The following MAST4 variants were observed in gnomAD, a reference collection of about 807,000 sequenced individuals.
MAST4 encodes the protein microtubule associated serine/threonine kinase family member 4.
In MAST4, 89 loss-of-function variants were observed where a neutral mutation model predicts 162.7. The observed-to-expected ratio is 0.55, with a 90% confidence interval of 0.46 to 0.65. MAST4 has a LOEUF of 0.65. Among genes scored for constraint, MAST4 ranks in the 30% least tolerant of loss-of-function variants. MAST4 has a pLI of 0.00. For missense variants in MAST4, 3,153 were observed against 3,374.0 expected, an observed-to-expected ratio of 0.93 and a Z score of 1.62; for synonymous variants, 1,479 against 1,361.1, an observed-to-expected ratio of 1.09 and a Z score of -1.91.
chr5:66,680,244 G>A (rs1292761950), intron 1 of MAST4, among the ~76,000 whole-genome samples: 1 of 152,176 alleles, frequency 6.6e-6, no homozygotes, highest in Non-Finnish European at 1.5e-5. Context: ...TTAAATTGAG[G>A]CAGAGTTCTG....
chr5:66,712,399 C>T (rs76365356), intron 1 of MAST4, among the ~76,000 whole-genome samples: 6,432 of 152,206 alleles, frequency 0.042, 191 homozygotes, highest in Non-Finnish European at 0.063. Context: ...CATTGTTAGC[C>T]CCCATTTTAG....
At chr5:66,892,906 T>G (rs1442586856) in intron 3 of MAST4, among the ~76,000 whole-genome samples, 1 of 152,188 alleles carries the variant, frequency 6.6e-6, no homozygotes, top group Non-Finnish European at 1.5e-5. Flanking sequence ...GATTTTGTGA[T>G]GAAGCTTATA....
At chr5:66,659,814 T>C (rs981005539) in intron 1 of MAST4, among the ~76,000 whole-genome samples, 1 of 152,176 alleles carries the variant, frequency 6.6e-6, no homozygotes, top group African/African-American at 2.4e-5. Context: ...GAGGTGTGAA[T>C]AACATACTGA....
intron 19 of MAST4, among the ~76,000 whole-genome samples, chr5:67,139,830 T>A (rs530821188): frequency 6.6e-6 from 1 of 152,308 alleles, no homozygotes; most frequent in Non-Finnish European, 1.5e-5. Context: ...TCCTTATCTC[T>A]CCATAAGTGC....
intron 4 of MAST4, among the ~76,000 whole-genome samples, chr5:66,950,833 TG>T (rs1744591909): frequency 6.6e-6 from 1 of 151,944 alleles, no homozygotes; most frequent in African/African-American, 2.4e-5. Flanking sequence ...GGTAATTCTA[TG>T]TTTAAGTTTC....
At chr5:66,754,603 C>G (rs941616536) in intron 1 of MAST4, among the ~76,000 whole-genome samples, 1 of 152,004 alleles carries the variant, frequency 6.6e-6, no homozygotes, top group South Asian at 2.1e-4. Flanking sequence ...TTTGCTCTTT[C>G]CACCAATATT....
intron 2 of MAST4, among the ~76,000 whole-genome samples, chr5:66,764,116 C>A (rs1272500844): frequency 6.6e-6 from 1 of 152,172 alleles, no homozygotes; most frequent in African/African-American, 2.4e-5. Flanking sequence ...CAATGGTAGA[C>A]AACAAGAAGT....
At chr5:66,761,089 T>G (rs1231795256) in intron 2 of MAST4, among the ~76,000 whole-genome samples, 1 of 152,224 alleles carries the variant, frequency 6.6e-6, no homozygotes, top group Non-Finnish European at 1.5e-5. Context: ...ATTGCCAGTT[T>G]TAAAAATTTT....
intron 1 of MAST4, among the ~76,000 whole-genome samples, chr5:66,615,320 T>C (rs953892896): frequency 2.0e-5 from 3 of 152,108 alleles, no homozygotes; most frequent in Admixed American, 6.6e-5. Flanking sequence ...GGCTGGACTT[T>C]AGACACCGGG....
intron 4 of MAST4, chr5:66,916,995 G>C (rs1212867599): frequency 2.8e-5 from 20 of 717,888 alleles, no homozygotes; most frequent in Non-Finnish European, 5.2e-5. Context: ...TAGATTCCCA[G>C]AAGTGGAATT....
At chr5:67,053,968 T>A (rs574820446) in intron 4 of MAST4, among the ~76,000 whole-genome samples, 1 of 152,376 alleles carries the variant, frequency 6.6e-6, no homozygotes, top group East Asian at 1.9e-4. Flanking sequence ...ATAAGAAATT[T>A]GTCTAAATAA....
chr5:67,031,037 T>C (rs953382450), intron 4 of MAST4, among the ~76,000 whole-genome samples: 41 of 152,174 alleles, frequency 2.7e-4, no homozygotes, highest in African/African-American at 9.9e-4. Flanking sequence ...AATTGATGTC[T>C]ATTGGGGATA....
rs78307218 is a variant in MAST4 at position 66,964,053 on chromosome 5, C to T, written c.674+64071C>T. 1.1e-5 allele frequency: 7 copies of T among 626,774 alleles called. No homozygotes were observed. The East Asian group carries it at 2.1e-4, about 19-fold the overall frequency. 38.8% of individuals were successfully genotyped at this position (626,774 alleles called of 1,614,324 possible). ...TTGCTTTCTTAGGGAATGATCTGCA[C>T]TGAATTCTGTAAGTTTTGATCAATA... On this transcript the variant is annotated intron_variant, in intron 4 of 28. Transcript: ENST00000403625.
chr5:67,031,601 G>T (rs113244300), intron 4 of MAST4, among the ~76,000 whole-genome samples: 5,576 of 152,254 alleles, frequency 0.037, 148 homozygotes, highest in Non-Finnish European at 0.056. Flanking sequence ...GAAAAACTGC[G>T]TACAGACTTA....
chr5:66,854,147 C>T (rs1391052885), intron 3 of MAST4, among the ~76,000 whole-genome samples: 2 of 152,088 alleles, frequency 1.3e-5, no homozygotes, highest in Non-Finnish European at 2.9e-5. Flanking sequence ...AAACCACTGC[C>T]CCCGGCTGGT....
chr5:67,153,402 A>G, intron 25 of MAST4, 56 bp from the exon 26 acceptor site: 1 of 1,541,590 alleles, frequency 6.5e-7, no homozygotes, highest in Non-Finnish European at 8.7e-7. Flanking sequence ...AAGACACAGT[A>G]GGTGTTAGAG....
chr5:66,861,045 G>C (rs1352674964), intron 3 of MAST4, among the ~76,000 whole-genome samples: 2 of 152,130 alleles, frequency 1.3e-5, no homozygotes, highest in African/African-American at 4.8e-5. Flanking sequence ...TATTTTCAAA[G>C]AGGTTTGCTC....
At chr5:66,650,283 C>G (rs1746132960) in intron 1 of MAST4, among the ~76,000 whole-genome samples, 2 of 151,848 alleles carry the variant, frequency 1.3e-5, no homozygotes, top group African/African-American at 2.4e-5. Flanking sequence ...CTCGGGTGCC[C>G]CAGGATGAAA....
rs146850137 is a variant in MAST4 at position 66,860,031 on chromosome 5, T to A, written c.643-39920T>A. Among the ~76,000 whole-genome samples the A allele has an allele frequency of 4.2e-4, 64 of 152,326 alleles. No homozygotes were observed. The East Asian group carries it at 0.012, about 29-fold the overall frequency. On this transcript the variant is annotated intron_variant, in intron 3 of 28. Coordinates refer to ENST00000403625, the MANE Select transcript of MAST4 (RefSeq NM_001164664.2). ...ACTCAGTGCCACCTTAAATAAATGA[T>A]TTGATATATTTTATTAATCAGTTAT...
Sources: gnomAD v4.1 joint callset for allele counts (sites outside exome capture counted in the v4.1 genomes callset) on GRCh38, gnomAD v4.1.1 for gene constraint, MANE v1.5 for transcripts, NCBI Gene and HGNC (gene_info 2026-07-23, HGNC 2026-07-21) for gene names.